The following MGMT variants were observed in gnomAD, a reference collection of about 807,000 sequenced individuals.
MGMT encodes O-6-methylguanine-DNA methyltransferase.
A neutral mutation model predicts 15.9 loss-of-function variants in MGMT; 14 were observed. That is an observed-to-expected ratio of 0.88 (90% CI 0.58 to 1.37). The LOEUF is 1.37. Among genes scored for constraint, MGMT ranks in the 40% most tolerant of loss-of-function variants. The probability of loss-of-function intolerance (pLI) is 0.00; values close to 1 mark genes in which losing one functional copy is unlikely to be tolerated. For missense variants in MGMT, 282 were observed against 268.1 expected (o/e 1.05, Z -0.36); for synonymous variants, 130 against 118.2 (o/e 1.10, Z -0.65).
chr10:129,757,513 G>A (rs1205531052), intron 3 of MGMT, among the ~76,000 whole-genome samples: 4 of 152,230 alleles, frequency 2.6e-5, no homozygotes, highest in South Asian at 2.1e-4. Context: ...GAGGAAGGCA[G>A]GAAATTGGCC....
At chr10:129,487,094 C>T (rs1324974182) in intron 1 of MGMT, among the ~76,000 whole-genome samples, 2 of 152,110 alleles carry the variant, frequency 1.3e-5, no homozygotes, top group African/African-American at 4.8e-5. Context: ...CAGCACTAGC[C>T]TCCTGCTTGT....
chr10:129,754,680 G>A (rs1027629621), intron 3 of MGMT, among the ~76,000 whole-genome samples: 35 of 152,336 alleles, frequency 2.3e-4, no homozygotes, highest in African/African-American at 7.5e-4. Flanking sequence ...GCATGACGCC[G>A]GCATCTGCTG....
chr10:129,597,808 A>G (rs1170313849), intron 2 of MGMT, among the ~76,000 whole-genome samples: 1 of 152,180 alleles, frequency 6.6e-6, no homozygotes, highest in East Asian at 1.9e-4. Context: ...CTCCTTCTCT[A>G]CAGAAGTGGC....
intron 3 of MGMT, among the ~76,000 whole-genome samples, chr10:129,736,516 A>G (rs1053610742): frequency 2.7e-5 from 4 of 147,188 alleles, no homozygotes; most frequent in Admixed American, 6.9e-5. Flanking sequence ...TCTTTATCCA[A>G]TTTGCCAGTC....
chr10:129,757,950 C>G (rs1314477823), intron 3 of MGMT, among the ~76,000 whole-genome samples: 4 of 152,194 alleles, frequency 2.6e-5, no homozygotes, highest in Non-Finnish European at 5.9e-5. Context: ...AAATGGTGTA[C>G]AGTTTGAAAT....
chr10:129,534,715 G>A (rs1334577728), intron 1 of MGMT, among the ~76,000 whole-genome samples: 4 of 151,794 alleles, frequency 2.6e-5, no homozygotes, highest in African/African-American at 4.8e-5. Context: ...GGTGCCCAGC[G>A]GACAAGCAGG....
intron 2 of MGMT, among the ~76,000 whole-genome samples, chr10:129,559,205 A>G (rs1211441006): frequency 6.6e-6 from 1 of 152,200 alleles, no homozygotes; most frequent in East Asian, 1.9e-4. Context: ...AATGTGATGT[A>G]TGGAGTCAAC....
intron 2 of MGMT, among the ~76,000 whole-genome samples, chr10:129,693,417 G>C (rs1244854994): frequency 6.6e-6 from 1 of 152,096 alleles, no homozygotes; most frequent in Non-Finnish European, 1.5e-5. Context: ...CCTTTCAAAA[G>C]ATCCCCAAGT....
intron 2 of MGMT, among the ~76,000 whole-genome samples, chr10:129,671,720 T>G (rs1847725757): frequency 6.6e-6 from 1 of 152,210 alleles, no homozygotes; most frequent in African/African-American, 2.4e-5. Flanking sequence ...CCTCTTCCAG[T>G]GGTTAAAAGT....
chr10:129,594,639 A>G (rs866513316), intron 2 of MGMT, among the ~76,000 whole-genome samples: 1 of 152,152 alleles, frequency 6.6e-6, no homozygotes, highest in African/African-American at 2.4e-5. Flanking sequence ...AATTGTTCCC[A>G]TCAGCTCCAG....
Position 129,684,451 on chromosome 10 carries a change from C to T in MGMT, c.126-23444C>T, listed in dbSNP as rs559228757. Among the ~76,000 whole-genome samples, 25 of 152,304 alleles carry T rather than the reference C, an allele frequency of 1.6e-4. No homozygotes were observed. In the South Asian group the frequency reaches 5.2e-3, roughly 32 times the overall value. The stretch of plus-strand genomic sequence containing the variant: ...TTGTCAGCCTTGTATGTGCGTGAGA[C>T]CAACTTTCTTTTTCCACAAATACAA... On this transcript the variant is annotated intron_variant, in intron 2 of 4. Transcript: ENST00000651593.
chr10:129,482,513 C>G (rs1845369330), intron 1 of MGMT, among the ~76,000 whole-genome samples: 1 of 152,136 alleles, frequency 6.6e-6, no homozygotes. Context: ...ACATCTCCAG[C>G]TATGATTGGA....
chr10:129,689,915 T>C (rs547275875), intron 2 of MGMT, among the ~76,000 whole-genome samples: 2 of 152,360 alleles, frequency 1.3e-5, no homozygotes, highest in East Asian at 3.9e-4. Flanking sequence ...ATACTGGAAT[T>C]AACTGAGTTG....
chr10:129,592,052 G>A (rs188220965), intron 2 of MGMT, among the ~76,000 whole-genome samples: 18 of 152,360 alleles, frequency 1.2e-4, no homozygotes, highest in East Asian at 1.9e-4. Flanking sequence ...TGAAGTGTGC[G>A]TAAAGCACTT....
chr10:129,519,464 G>C (rs1323963367), intron 1 of MGMT, among the ~76,000 whole-genome samples: 2 of 152,226 alleles, frequency 1.3e-5, no homozygotes, highest in African/African-American at 4.8e-5. Flanking sequence ...TTAATCATTT[G>C]GAAGCGGGGC....
chr10:129,664,299 TTAA>T (rs1847633157), intron 2 of MGMT, among the ~76,000 whole-genome samples: 1 of 152,326 alleles, frequency 6.6e-6, no homozygotes, highest in Non-Finnish European at 1.5e-5. Flanking sequence ...AATATTCTTC[TTAA>T]TAACTTTGTT....
At chr10:129,679,053 ACAGACT>A (rs2133118555) in intron 2 of MGMT, among the ~76,000 whole-genome samples, 1 of 150,800 alleles carries the variant, frequency 6.6e-6, no homozygotes, top group South Asian at 2.1e-4. Context: ...AGCCTGGATG[ACAGACT>A]GAGACTCCAT....
chr10:129,651,189 C>T (rs370590759), intron 2 of MGMT, among the ~76,000 whole-genome samples: 11 of 152,280 alleles, frequency 7.2e-5, no homozygotes, highest in East Asian at 1.9e-4. Flanking sequence ...CAGTGGGCCC[C>T]GACCCGGAGG....
intron 2 of MGMT, among the ~76,000 whole-genome samples, chr10:129,543,590 C>T (rs1352998907): frequency 6.6e-6 from 1 of 152,156 alleles, no homozygotes; most frequent in East Asian, 1.9e-4. Context: ...TGGTTCTTTG[C>T]TGACCTGGGG....
Sources: gnomAD v4.1 joint callset for allele counts (sites outside exome capture counted in the v4.1 genomes callset) on GRCh38, gnomAD v4.1.1 for gene constraint, MANE v1.5 for transcripts, NCBI Gene and HGNC (gene_info 2026-07-23, HGNC 2026-07-21) for gene names.